Variants in NAV3 observed in about 807,000 individuals in gnomAD.
The protein encoded by NAV3 is neuron navigator 3.
A neutral mutation model predicts 244.7 loss-of-function variants in NAV3; 87 were observed. That is an observed-to-expected ratio of 0.36 (90% CI 0.30 to 0.42). The LOEUF is 0.42. Among genes scored for constraint, NAV3 ranks in the 20% least tolerant of loss-of-function variants. NAV3 has a pLI of 1.00. For synonymous variants in NAV3, 1,126 were observed against 1,042.2 expected (o/e 1.08, Z -1.55); for missense variants, 2,663 against 2,893.3 (o/e 0.92, Z 1.83).
chr12:77,577,008 A>AAAGTGGTT (rs985783255), intron 2 of NAV3, among the ~76,000 whole-genome samples: 1 of 152,136 alleles, frequency 6.6e-6, no homozygotes, highest in African/African-American at 2.4e-5. Flanking sequence ...AGTTTCAACA[A>AAAGTGGTT]AAGTGGTTAG....
chr12:77,803,468 T>A (rs2859864), intron 2 of NAV3, among the ~76,000 whole-genome samples: 140,931 of 152,150 alleles, frequency 0.93, 65,990 homozygotes, highest in Non-Finnish European at 0.99. Context: ...CATCCTTTTT[T>A]ATGGCTGCAT....
chr12:78,174,526 A>T (rs1230076141), intron 24 of NAV3, among the ~76,000 whole-genome samples: 1 of 151,918 alleles, frequency 6.6e-6, no homozygotes, highest in African/African-American at 2.4e-5. Context: ...AGTTTGCTTT[A>T]AGAATAAAAT....
intron 2 of NAV3, among the ~76,000 whole-genome samples, chr12:77,708,950 G>C (rs895575135): frequency 2.6e-5 from 4 of 152,148 alleles, no homozygotes; most frequent in African/African-American, 9.7e-5. Flanking sequence ...TCAGCTTAAG[G>C]AGATTTGGGG....
rs773789932 is a variant in NAV3, at chr12:78,006,812, G to C, written c.1274G>C (p.Gly425Ala). 1 of 1,614,034 alleles carries C rather than the reference G, an allele frequency of 6.2e-7. No homozygotes were observed. Among genetic ancestry groups the C allele is most frequent in the African/African-American group, 1.3e-5 (1 of 74,914 alleles). ...TTTTCTGAATCTGGTGAAATGGAAG[G>C]TTTTAACAGTGGTCTGAATAGTGGT... is the stretch of plus-strand genomic sequence containing the variant. ...DAFSESGEME[G>A]FNSGLNSGGS... The change falls in exon 8 of 40, where the codon GGT (glycine) becomes GCT (alanine). Residue 425 changes from glycine to alanine, a missense_variant. Gly to Ala is a moderately conservative substitution (Grantham distance 60). This residue lies in a region of NAV3 where 1,521 missense variants were observed against 1,497.0 expected (regional missense o/e 1.02). Transcript: ENST00000397909.
At chr12:77,701,436 A>T (rs949309950) in intron 2 of NAV3, among the ~76,000 whole-genome samples, 4 of 151,624 alleles carry the variant, frequency 2.6e-5, no homozygotes, top group Non-Finnish European at 5.9e-5. Context: ...TTTCTTCTTG[A>T]TCAGTCTTGC....
At chr12:77,599,150 C>G (rs977133116) in intron 2 of NAV3, among the ~76,000 whole-genome samples, 5 of 151,936 alleles carry the variant, frequency 3.3e-5, no homozygotes, top group African/African-American at 1.2e-4. Flanking sequence ...TTGTTTCCCT[C>G]AGCATTATAT....
chr12:77,598,603 C>A (rs1229233212), intron 2 of NAV3, among the ~76,000 whole-genome samples: 1 of 151,830 alleles, frequency 6.6e-6, no homozygotes, highest in African/African-American at 2.4e-5. Flanking sequence ...ATGCAAAAAT[C>A]TGCATATCTT....
At chr12:77,856,360 A>G (rs914518881) in intron 1 of NAV3, among the ~76,000 whole-genome samples, 1 of 152,192 alleles carries the variant, frequency 6.6e-6, no homozygotes, top group Non-Finnish European at 1.5e-5. Context: ...GGAAATACTG[A>G]TAACTTGCTC....
chr12:77,967,386 T>C (rs7136012), intron 4 of NAV3, among the ~76,000 whole-genome samples: 5,882 of 152,210 alleles, frequency 0.039, 213 homozygotes, highest in African/African-American at 0.096. Flanking sequence ...CTCAGATTGA[T>C]GAAGCCAACT....
intron 2 of NAV3, among the ~76,000 whole-genome samples, chr12:77,793,446 A>G (rs1484425360): frequency 1.3e-5 from 2 of 151,958 alleles, no homozygotes; most frequent in Non-Finnish European, 2.9e-5. Flanking sequence ...TGCATTAGGT[A>G]TTTGTCCTAA....
At chr12:77,862,353 T>C (rs2136346357) in intron 1 of NAV3, among the ~76,000 whole-genome samples, 1 of 151,964 alleles carries the variant, frequency 6.6e-6, no homozygotes, top group East Asian at 1.9e-4. Flanking sequence ...TGAGCTATCT[T>C]GCCTTTCTTG....
intron 2 of NAV3, among the ~76,000 whole-genome samples, chr12:77,597,708 A>T (rs927328596): frequency 3.3e-5 from 5 of 152,104 alleles, no homozygotes; most frequent in African/African-American, 4.8e-5. Flanking sequence ...GCTCTCTAGT[A>T]TATGCAAACA....
chr12:78,176,551 C>T, intron 26 of NAV3, 92 bp downstream of exon 26: 2 of 1,121,378 alleles, frequency 1.8e-6, no homozygotes, highest in Non-Finnish European at 2.6e-6. Flanking sequence ...GGCTTTTATA[C>T]CTTTTAAAAC....
chr12:77,654,312 T>A (rs938301498), intron 2 of NAV3, among the ~76,000 whole-genome samples: 2 of 152,264 alleles, frequency 1.3e-5, no homozygotes, highest in Non-Finnish European at 2.9e-5. Flanking sequence ...ATCCTGCACC[T>A]GGCTCGGAGG....
At chr12:77,727,897 A>G (rs1876950431) in intron 2 of NAV3, among the ~76,000 whole-genome samples, 2 of 151,856 alleles carry the variant, frequency 1.3e-5, no homozygotes, top group Admixed American at 6.6e-5. Flanking sequence ...AGGGGTGGCT[A>G]TTTCGCTTTT....
At chr12:77,898,568 G>A (rs1376316170) in intron 1 of NAV3, among the ~76,000 whole-genome samples, 1 of 152,138 alleles carries the variant, frequency 6.6e-6, no homozygotes, top group Non-Finnish European at 1.5e-5. Context: ...ACTGTTTTAG[G>A]CAAAGTATGT....
At chr12:78,037,701 A>G (rs1880149075) in intron 9 of NAV3, among the ~76,000 whole-genome samples, 1 of 152,158 alleles carries the variant, frequency 6.6e-6, no homozygotes. Flanking sequence ...TTAAAACTCC[A>G]AACATGTTTT....
Position 77,994,858 on chromosome 12 carries a change from A to C in NAV3, c.727A>C (p.Lys243Gln). 1.9e-6 allele frequency: 3 copies of C among 1,608,828 alleles called. No homozygotes were observed. Among genetic ancestry groups the C allele is most frequent in the Non-Finnish European group, 2.5e-6 (3 of 1,176,958 alleles). The change falls in exon 6 of 40, where the codon AAA (lysine) becomes CAA (glutamine). Residue 243 changes from lysine to glutamine, a missense_variant. Coordinates refer to ENST00000397909, the MANE Select transcript of NAV3 (RefSeq NM_001024383.2). ...SNHSGIATSQ[K>Q]KPTRLPGPSR... ...TCACAGTGGAATTGCAACCAGTCAA[A>C]AAAAGCCTACTAGGTCAGTTAATAT...
At chr12:78,154,376 A>G (rs552748131) in intron 22 of NAV3, among the ~76,000 whole-genome samples, 339 of 131,418 alleles carry the variant, frequency 2.6e-3, no homozygotes, top group African/African-American at 7.3e-3. Flanking sequence ...ATATGTGTGT[A>G]TATATATATA....
Sources: gnomAD v4.1 joint callset for allele counts (sites outside exome capture counted in the v4.1 genomes callset) on GRCh38, gnomAD v4.1.1 for gene constraint, gnomAD v4.1.1 regional missense constraint, MANE v1.5 for transcripts, NCBI Gene and HGNC (gene_info 2026-07-23, HGNC 2026-07-21) for gene names.